The following ADAMTS6 variants were observed in gnomAD, a reference collection of about 807,000 sequenced individuals.
ADAMTS6 encodes the protein A disintegrin and metalloproteinase with thrombospondin motifs 6.
In ADAMTS6, 23 loss-of-function variants were observed where a neutral mutation model predicts 144.3. The ratio of observed to expected loss-of-function variants is 0.16; its 90% CI spans 0.11 to 0.23. ADAMTS6 has a LOEUF of 0.23. Ranked by LOEUF, ADAMTS6 falls within the 10% of genes least tolerant of loss-of-function variation. The pLI is 1.00. For synonymous variants in ADAMTS6, 444 were observed against 457.5 expected (o/e 0.97, Z 0.38); for missense variants, 999 against 1,379.6 (o/e 0.72, Z 4.37).
rs1220366230 is a variant in ADAMTS6, at chr5:65,149,646, A to G, written c.*2190T>C. 6.5e-6 allele frequency: 1 copy of G among 152,680 alleles called. No homozygotes were observed. The highest frequency in any genetic ancestry group is 1.9e-4 in the East Asian group (1 of 5,202). The allele number at this position is 152,680 out of a possible 1,614,324, so 9.5% of individuals were successfully genotyped here. ...TAATAAGAAATCTTTTTGAAATAAG[A>G]ACATGAGCTGATATTTATGTTGGAG... On this transcript the variant is annotated 3_prime_UTR_variant, in exon 25 of 25. Transcript: ENST00000381055.
intron 9 of ADAMTS6, among the ~76,000 whole-genome samples, chr5:65,320,431 T>C (rs1011930831): frequency 1.3e-5 from 2 of 152,108 alleles, no homozygotes; most frequent in African/African-American, 4.8e-5. Context: ...ATTAAAAATC[T>C]TCCCACAATA....
chr5:65,457,851 C>A (rs1002459965), intron 4 of ADAMTS6, among the ~76,000 whole-genome samples: 1 of 149,724 alleles, frequency 6.7e-6, no homozygotes, highest in Non-Finnish European at 1.5e-5. Context: ...CTCAGCCTCC[C>A]GAGTAGCTGG....
intron 24 of ADAMTS6, among the ~76,000 whole-genome samples, chr5:65,167,390 A>C (rs1028720618): frequency 1.3e-5 from 2 of 152,084 alleles, no homozygotes; most frequent in African/African-American, 4.8e-5. Context: ...GGCAATAATC[A>C]ATAGTTTACC....
intron 12 of ADAMTS6, among the ~76,000 whole-genome samples, chr5:65,267,586 A>C (rs1459238520): frequency 6.6e-6 from 1 of 152,144 alleles, no homozygotes; most frequent in Non-Finnish European, 1.5e-5. Flanking sequence ...TTATACTACT[A>C]AATATTATGA....
intron 7 of ADAMTS6, among the ~76,000 whole-genome samples, chr5:65,340,911 A>C (rs79914687): frequency 0.044 from 6,741 of 152,062 alleles, 280 homozygotes; most frequent in African/African-American, 0.11. Context: ...AATATATATA[A>C]ACCCTACACA....
chr5:65,468,305 A>G (rs1580780842), intron 3 of ADAMTS6, among the ~76,000 whole-genome samples: 1 of 152,170 alleles, frequency 6.6e-6, no homozygotes, highest in African/African-American at 2.4e-5. Flanking sequence ...TTTGAAAAGT[A>G]GAATTTTTTA....
chr5:65,362,088 T>C (rs972140564), intron 7 of ADAMTS6, among the ~76,000 whole-genome samples: 1 of 152,186 alleles, frequency 6.6e-6, no homozygotes, highest in South Asian at 2.1e-4. Context: ...TATTAAGTAG[T>C]GGTAGTATAC....
At chr5:65,193,127 A>G (rs1321223031) in intron 21 of ADAMTS6, among the ~76,000 whole-genome samples, 1 of 152,096 alleles carries the variant, frequency 6.6e-6, no homozygotes, top group East Asian at 1.9e-4. Flanking sequence ...ATTAAAAATA[A>G]AAAAAGAAAC....
intron 3 of ADAMTS6, among the ~76,000 whole-genome samples, chr5:65,465,227 C>T (rs1431814127): frequency 6.6e-6 from 1 of 152,144 alleles, no homozygotes; most frequent in Non-Finnish European, 1.5e-5. Flanking sequence ...ACTTAATCCT[C>T]TAAAACCTTC....
At position 65,262,462 on chromosome 5, in the gene ADAMTS6, G is replaced by A. The variant is rs1738696725; in HGVS notation, c.1766+355C>T. Among the ~76,000 whole-genome samples the A allele has an allele frequency of 3.3e-5, 5 of 152,058 alleles. No individual in the cohort carries two copies. In the South Asian group the frequency reaches 1.0e-3, roughly 32 times the overall value. ...TATGTGACATGTGAAAAGACCTTAGGTTTCCTGGGAATAATAGTAATGTAG... is the reference window on the plus strand; with the variant it reads ...TATGTGACATGTGAAAAGACCTTAGATTTCCTGGGAATAATAGTAATGTAG... On this transcript the variant is annotated intron_variant, in intron 13 of 24. Transcript: ENST00000381055.
intron 8 of ADAMTS6, among the ~76,000 whole-genome samples, chr5:65,329,874 T>G (rs1247951628): frequency 1.3e-5 from 2 of 152,048 alleles, no homozygotes; most frequent in African/African-American, 4.8e-5. Context: ...TTAAGTTTAG[T>G]GGGTTCATAA....
In ADAMTS6 at chr5:65,164,424, C is replaced by G. The variant is rs1206143179; in HGVS notation, c.3244+6193G>C. Among the ~76,000 whole-genome samples the G allele has an allele frequency of 2.0e-5, 3 of 149,718 alleles. 1 individual carries two copies. The highest frequency in any genetic ancestry group is 2.0e-4 in the Admixed American group (3 of 15,060). ...GATTGCTAGCACAGCAGTCTGAGAT[C>G]AAATTGCAAGGCGGCAGCGAGGCTG... On this transcript the variant is annotated intron_variant, in intron 24 of 24. Coordinates refer to ENST00000381055, the MANE Select transcript of ADAMTS6 (RefSeq NM_197941.4).
At chr5:65,176,106 C>T (rs112561619) in intron 22 of ADAMTS6, among the ~76,000 whole-genome samples, 17,961 of 145,996 alleles carry the variant, frequency 0.12, 1,518 homozygotes, top group African/African-American at 0.24. Context: ...TTATCATCTT[C>T]GGAAAAAAAA....
intron 7 of ADAMTS6, among the ~76,000 whole-genome samples, chr5:65,450,466 GA>G (rs1212663197): frequency 1.2e-4 from 18 of 152,108 alleles, no homozygotes; most frequent in African/African-American, 4.1e-4. Context: ...TACCACAGAT[GA>G]AACGTATGTT....
In ADAMTS6 at chr5:65,197,050, C is replaced by T; in HGVS notation, c.2677G>A (p.Ala893Thr). The change falls in exon 21 of 25, where the codon GCC becomes ACC. Residue 893 changes from alanine to threonine, a missense_variant. Physicochemically the swap from Ala to Thr is moderately conservative, Grantham distance 58 (BLOSUM62 0). Coordinates refer to ENST00000381055, the MANE Select transcript of ADAMTS6 (RefSeq NM_197941.4). The stretch of plus-strand genomic sequence containing the variant: ...GGTGGGCAGGGCTCAGTGTTGCAGG[C>T]TCTTTGATTTTCAGGTGGCTTACTG... Reference protein sequence around the residue: ...PDSKPPENQRACNTEPCPPEW... With the variant: ...PDSKPPENQRTCNTEPCPPEW... 1 of 1,613,742 alleles carries T rather than the reference C, an allele frequency of 6.2e-7. No homozygotes were observed.
At chr5:65,296,077 T>C (rs1172438357) in intron 10 of ADAMTS6, among the ~76,000 whole-genome samples, 1 of 152,138 alleles carries the variant, frequency 6.6e-6, no homozygotes, top group Non-Finnish European at 1.5e-5. Flanking sequence ...CCATAAAATA[T>C]GAATTTTAGT....
chr5:65,426,405 T>C (rs559143700), intron 7 of ADAMTS6, among the ~76,000 whole-genome samples: 3 of 152,080 alleles, frequency 2.0e-5, no homozygotes, highest in East Asian at 1.9e-4. Flanking sequence ...TCTCAGCCTT[T>C]TGGCTAAAAT....
chr5:65,466,909 GCGGGAGCCTGTAGTCCCAGCTACT>G (rs1353372009), intron 3 of ADAMTS6, among the ~76,000 whole-genome samples: 1 of 151,998 alleles, frequency 6.6e-6, no homozygotes, highest in African/African-American at 2.4e-5. Context: ...GGGCGTAGTG[GCGGGAGCCTGTAGTCCCAGCTACT>G]CGGGAGGCTG....
At chr5:65,457,291 G>A (rs10514988) in intron 4 of ADAMTS6, among the ~76,000 whole-genome samples, 4 of 152,070 alleles carry the variant, frequency 2.6e-5, no homozygotes, top group East Asian at 1.9e-4. Flanking sequence ...TAGTGGTCTC[G>A]GCAAGAGATA....
Sources: gnomAD v4.1 joint callset for allele counts (sites outside exome capture counted in the v4.1 genomes callset) on GRCh38, gnomAD v4.1.1 for gene constraint, MANE v1.5 for transcripts, NCBI Gene and HGNC (gene_info 2026-07-23, HGNC 2026-07-21) for gene names.